Variants in UGGT1 observed in about 807,000 individuals in gnomAD.
The protein encoded by UGGT1 is UDP-glucose glycoprotein glucosyltransferase 1.
Under a neutral mutation model 203.9 loss-of-function variants are expected in UGGT1, and 107 were observed. The ratio of observed to expected loss-of-function variants is 0.52; its 90% CI spans 0.45 to 0.62. UGGT1 has a LOEUF of 0.62. UGGT1 is among the 20% of genes least tolerant of loss of function. UGGT1 has a pLI of 0.00. For missense variants in UGGT1, 1,673 were observed against 1,867.2 expected, an observed-to-expected ratio of 0.90 and a Z score of 1.92; for synonymous variants, 628 against 653.5, an observed-to-expected ratio of 0.96 and a Z score of 0.59.
intron 1 of UGGT1, among the ~76,000 whole-genome samples, chr2:128,091,834 G>C (rs1686879849): frequency 1.3e-5 from 2 of 152,190 alleles, no homozygotes; most frequent in African/African-American, 4.8e-5. Flanking sequence ...GGGTTGATGC[G>C]TATTGGTTAC....
intron 30 of UGGT1, among the ~76,000 whole-genome samples, chr2:128,174,222 C>A (rs1691258479): frequency 6.6e-6 from 1 of 151,880 alleles, no homozygotes; most frequent in Admixed American, 6.6e-5. Context: ...AAGTGCAACA[C>A]TTATTCATGC....
At chr2:128,165,164 T>C (rs1558810892) in intron 26 of UGGT1, among the ~76,000 whole-genome samples, 1 of 152,232 alleles carries the variant, frequency 6.6e-6, no homozygotes, top group Admixed American at 6.5e-5. Flanking sequence ...AGATAGCTCA[T>C]GCTTGTAATT....
chr2:128,166,529 T>C (rs1690797756), intron 26 of UGGT1, among the ~76,000 whole-genome samples: 1 of 152,190 alleles, frequency 6.6e-6, no homozygotes, highest in African/African-American at 2.4e-5. Flanking sequence ...CAACTGTTTT[T>C]TGTATTTGTT....
chr2:128,152,457 C>G (rs979050097), intron 18 of UGGT1, among the ~76,000 whole-genome samples: 1 of 152,210 alleles, frequency 6.6e-6, no homozygotes, highest in Non-Finnish European at 1.5e-5. Flanking sequence ...CCATTCCTGG[C>G]CTGGGTTTGC....
At chr2:128,097,387 A>C (rs964492729) in intron 1 of UGGT1, 42 bp from the exon 2 acceptor site, 1 of 1,583,756 alleles carries the variant, frequency 6.3e-7, no homozygotes. Context: ...AAAAAAAAAA[A>C]ATTTCCTTGT....
Position 128,172,645 on chromosome 2 carries a change from A to G in UGGT1, c.3177A>G (p.Ala1059=), listed in dbSNP as rs764392765. 3 of 1,614,176 alleles carry G rather than the reference A, an allele frequency of 1.9e-6. No homozygotes were observed. The highest frequency in any genetic ancestry group is 4.5e-5 in the East Asian group (2 of 44,878). ...ATAGTTTTGCTAAGGGTCCAATCGCAAAATTTTTGGATATGCCTCAGTCTC... is the reference window on the plus strand; with the variant it reads ...ATAGTTTTGCTAAGGGTCCAATCGCGAAATTTTTGGATATGCCTCAGTCTC... ...SDNSFAKGPI[A]KFLDMPQSPL... Residue 1059 remains alanine, a synonymous_variant, in exon 29 of 41, where the codon GCA becomes GCG. Coordinates refer to ENST00000259253, the MANE Select transcript of UGGT1 (RefSeq NM_020120.4).
chr2:128,149,822 C>T (rs1689863959), intron 18 of UGGT1, among the ~76,000 whole-genome samples: 7 of 151,320 alleles, frequency 4.6e-5, no homozygotes. Context: ...ATTAGCTGGG[C>T]GTGGTGGCTC....
At chr2:128,179,710 C>G in intron 34 of UGGT1, 76 bp from the exon 35 acceptor site, 1 of 1,268,310 alleles carries the variant, frequency 7.9e-7, no homozygotes, top group Non-Finnish European at 1.1e-6. Flanking sequence ...TTAGGTGTCT[C>G]GTGATTGACT....
intron 23 of UGGT1, among the ~76,000 whole-genome samples, chr2:128,159,951 T>C (rs1405254118): frequency 6.6e-6 from 1 of 152,206 alleles, no homozygotes; most frequent in Non-Finnish European, 1.5e-5. Context: ...CCATTTGTTA[T>C]GCACAGTTTT....
intron 2 of UGGT1, among the ~76,000 whole-genome samples, chr2:128,098,520 C>T (rs557805400): frequency 6.6e-6 from 1 of 152,168 alleles, no homozygotes; most frequent in Non-Finnish European, 1.5e-5. Context: ...CTTTGGGAGG[C>T]TGAGGTGGGT....
chr2:128,132,462 C>T (rs1047247645), intron 13 of UGGT1, among the ~76,000 whole-genome samples: 8 of 152,146 alleles, frequency 5.3e-5, no homozygotes, highest in Non-Finnish European at 7.3e-5. Flanking sequence ...GCACGAGAAT[C>T]GTTTGAACCC....
At chr2:128,176,368 C>CTCTGCTGCCCT (rs1691374634) in intron 31 of UGGT1, among the ~76,000 whole-genome samples, 1 of 143,794 alleles carries the variant, frequency 7.0e-6, no homozygotes, top group African/African-American at 2.6e-5. Context: ...GCCGAGATTG[C>CTCTGCTGCCCT]TCTACTGCAC....
At chr2:128,171,465 G>A in intron 28 of UGGT1, 181 bp downstream of exon 28, 1 of 596,662 alleles carries the variant, frequency 1.7e-6, no homozygotes, top group Non-Finnish European at 2.9e-6. Context: ...TAGTGTGTTT[G>A]TAGCATTTAG....
At chr2:128,188,306 A>C (rs2104845424) in intron 40 of UGGT1, among the ~76,000 whole-genome samples, 1 of 152,200 alleles carries the variant, frequency 6.6e-6, no homozygotes, top group East Asian at 1.9e-4. Context: ...AGCCTCCCAA[A>C]GTGCTAGGAT....
At chr2:128,093,185 A>G (rs1686950622) in intron 1 of UGGT1, among the ~76,000 whole-genome samples, 1 of 152,144 alleles carries the variant, frequency 6.6e-6, no homozygotes, top group South Asian at 2.1e-4. Flanking sequence ...ATCTCTCCCC[A>G]AGAACACGTA....
intron 15 of UGGT1, 24 bp downstream of exon 15, chr2:128,134,985 A>G (rs559203320): frequency 6.3e-7 from 1 of 1,575,858 alleles, no homozygotes; most frequent in South Asian, 1.1e-5. Flanking sequence ...TGATTTGATG[A>G]TGTATCTAAT....
intron 34 of UGGT1, among the ~76,000 whole-genome samples, chr2:128,179,563 A>C (rs1440069629): frequency 6.6e-6 from 1 of 152,208 alleles, no homozygotes; most frequent in East Asian, 1.9e-4. Context: ...AGTTAAGTGT[A>C]GTTTTATAGG....
rs889253752 is a variant in UGGT1 at position 128,172,467 on chromosome 2, C to T, written c.3105-106C>T. 23 of 1,317,262 alleles carry T rather than the reference C, an allele frequency of 1.7e-5. No individual in the cohort carries two copies. The African/African-American group carries it at 3.2e-4, about 18-fold the overall frequency. The allele number at this position is 1,317,262 out of a possible 1,614,324, so 81.6% of individuals were successfully genotyped here. A position where few individuals can be genotyped will look rare whatever the true frequency, so the allele number is the denominator to read the frequency against. On this transcript the variant is annotated intron_variant, in intron 28 of 40. Coordinates refer to ENST00000259253, the MANE Select transcript of UGGT1 (RefSeq NM_020120.4). ...CTTTTCCCAATCTGGAAGGGTACTC[C>T]TCCAAATCTAATTTGTTTTAACCAG...
intron 26 of UGGT1, among the ~76,000 whole-genome samples, chr2:128,165,442 A>T (rs1197929031): frequency 6.6e-6 from 1 of 152,220 alleles, no homozygotes; most frequent in Admixed American, 6.5e-5. Flanking sequence ...TCATGCCTGT[A>T]ATCCCAGCAC....
Sources: allele counts gnomAD v4.1 joint callset (sites outside exome capture counted in the v4.1 genomes callset), GRCh38; gene constraint gnomAD v4.1.1; transcripts MANE v1.5; gene names NCBI Gene and HGNC (gene_info 2026-07-23, HGNC 2026-07-21).